Variants in CELF5 observed in about 807,000 individuals in gnomAD.
CELF5 encodes the protein CUGBP Elav-like family member 5.
CELF5 carries 6 observed loss-of-function variants against 54.9 expected under a neutral mutation model. That is an observed-to-expected ratio of 0.11 (90% CI 0.06 to 0.22). The LOEUF is 0.22. Ranked by LOEUF, CELF5 falls within the 10% of genes least tolerant of loss-of-function variation. The pLI, the probability that CELF5 is intolerant of heterozygous loss-of-function variation, is 1.00. For synonymous variants in CELF5, 271 were observed against 290.9 expected, an observed-to-expected ratio of 0.93 and a Z score of 0.70; for missense variants, 401 against 678.6, an observed-to-expected ratio of 0.59 and a Z score of 4.54.
At chr19:3,233,598 G>A (rs1430168834) in intron 1 of CELF5, among the ~76,000 whole-genome samples, 4 of 152,176 alleles carry the variant, frequency 2.6e-5, no homozygotes, top group African/African-American at 9.7e-5. Flanking sequence ...GAGTGCAGAG[G>A]CCCTGAGGCA....
intron 1 of CELF5, among the ~76,000 whole-genome samples, chr19:3,229,119 G>A (rs1466632442): frequency 8.6e-6 from 1 of 116,496 alleles, no homozygotes; most frequent in East Asian, 2.5e-4. Context: ...CAGGCAAAGA[G>A]CATTTATTGA....
chr19:3,290,184 G>T, intron 10 of CELF5, 47 bp from the exon 11 acceptor site: 1 of 1,581,068 alleles, frequency 6.3e-7, no homozygotes, highest in South Asian at 1.1e-5. Flanking sequence ...GGGGGGGTTC[G>T]CCTCCTCTCC....
At chr19:3,226,100 T>C (rs1215976617) in intron 1 of CELF5, among the ~76,000 whole-genome samples, 1 of 150,752 alleles carries the variant, frequency 6.6e-6, no homozygotes, top group Non-Finnish European at 1.5e-5. Context: ...GGGGTGCCAC[T>C]TCAAAGGCCT....
At chr19:3,226,828 G>A (rs1825665391) in intron 1 of CELF5, among the ~76,000 whole-genome samples, 1 of 151,862 alleles carries the variant, frequency 6.6e-6, no homozygotes, top group Non-Finnish European at 1.5e-5. Flanking sequence ...GGAGAAGTGA[G>A]GGGTGAAGGA....
chr19:3,239,967 C>T (rs576740132), intron 1 of CELF5, among the ~76,000 whole-genome samples: 77 of 152,076 alleles, frequency 5.1e-4, no homozygotes, highest in African/African-American at 1.8e-3. Flanking sequence ...GTTTCACCCT[C>T]ATCTGTCCCC....
At chr19:3,274,209 C>G (rs2080011901) in intron 3 of CELF5, among the ~76,000 whole-genome samples, 1 of 152,082 alleles carries the variant, frequency 6.6e-6, no homozygotes, top group African/African-American at 2.4e-5. Context: ...TTGAAATACT[C>G]CACTCCCTTC....
At position 3,281,388 on chromosome 19, in the gene CELF5, T is replaced by C. The variant is rs753629772; in HGVS notation, c.750+43T>C. The C allele has an allele frequency of 1.3e-6, 2 of 1,571,766 alleles. No individual in the cohort carries two copies. The highest frequency in any genetic ancestry group is 1.3e-5 in the African/African-American group (1 of 74,430). ...AGCTTCGGGGCTCCGGCTCCGTCTC[T>C]CTCAGTCTCTGTCTACTCTCTGTCG... On this transcript the variant is annotated intron_variant, in intron 6 of 12. Transcript: ENST00000292672. This position sits in a 1 kb window ranked among gnomAD's most constrained non-coding sequence, Gnocchi z 6.5.
chr19:3,236,812 C>A (rs1227153124), intron 1 of CELF5, among the ~76,000 whole-genome samples: 2 of 150,850 alleles, frequency 1.3e-5, no homozygotes, highest in African/African-American at 4.9e-5. Flanking sequence ...GGTGAAACCC[C>A]ATCTCTACTA....
At chr19:3,258,528 A>G (rs1305268006) in intron 2 of CELF5, among the ~76,000 whole-genome samples, 6 of 152,162 alleles carry the variant, frequency 3.9e-5, no homozygotes, top group Admixed American at 3.9e-4. Flanking sequence ...ATTTAATTAC[A>G]TCTGCAAAAG....
chr19:3,249,384 C>A (rs1015291622), intron 1 of CELF5, among the ~76,000 whole-genome samples: 3 of 152,216 alleles, frequency 2.0e-5, no homozygotes, highest in African/African-American at 7.2e-5. Flanking sequence ...AGGGCGGGTT[C>A]TCTTGACTTG....
chr19:3,244,106 A>G (rs1220397124), intron 1 of CELF5, among the ~76,000 whole-genome samples: 1 of 152,052 alleles, frequency 6.6e-6, no homozygotes, highest in African/African-American at 2.4e-5. Flanking sequence ...GTGGGTAAAC[A>G]TTACGCATTT....
intron 1 of CELF5, among the ~76,000 whole-genome samples, chr19:3,227,477 A>G (rs1460886405): frequency 6.6e-6 from 1 of 152,008 alleles, no homozygotes; most frequent in East Asian, 1.9e-4. Context: ...TATGGACCCC[A>G]GGCCTGGAGA....
intron 1 of CELF5, among the ~76,000 whole-genome samples, chr19:3,234,905 G>C (rs370812687): frequency 6.6e-6 from 1 of 151,884 alleles, no homozygotes; most frequent in African/African-American, 2.4e-5. Context: ...CCCACAGTCT[G>C]TCCTCCCCGC....
chr19:3,266,692 C>G (rs756330205), intron 2 of CELF5, among the ~76,000 whole-genome samples: 1 of 152,242 alleles, frequency 6.6e-6, no homozygotes, highest in African/African-American at 2.4e-5. Context: ...TAACACCCAC[C>G]TGCTTGGCAA....
intron 11 of CELF5, among the ~76,000 whole-genome samples, 185 bp from the exon 12 acceptor site, chr19:3,293,134 A>G (rs1188479090): frequency 6.6e-6 from 1 of 152,092 alleles, no homozygotes; most frequent in Non-Finnish European, 1.5e-5. Flanking sequence ...GAGGTATACA[A>G]GTCCAGAGGT....
At chr19:3,285,197 T>G (rs1055678184) in intron 9 of CELF5, among the ~76,000 whole-genome samples, 13 of 151,790 alleles carry the variant, frequency 8.6e-5, no homozygotes, top group Non-Finnish European at 1.8e-4. Context: ...TCCCTTGTCC[T>G]TTAAGGACAG....
intron 1 of CELF5, among the ~76,000 whole-genome samples, chr19:3,244,849 ATGTG>A (rs944193306): frequency 1.5e-5 from 2 of 129,124 alleles, no homozygotes; most frequent in African/African-American, 6.1e-5. Context: ...GCATCTGTGC[ATGTG>A]TGTGTGTAGT....
chr19:3,244,205 G>A (rs2079528911), intron 1 of CELF5, among the ~76,000 whole-genome samples: 1 of 152,038 alleles, frequency 6.6e-6, no homozygotes, highest in Admixed American at 6.6e-5. Context: ...CAGCACCAGG[G>A]ACAGCGTCAG....
intron 1 of CELF5, among the ~76,000 whole-genome samples, chr19:3,226,440 TCACACACACACACA>T (rs71164666): frequency 5.0e-5 from 6 of 118,874 alleles, no homozygotes; most frequent in Admixed American, 5.0e-4. Context: ...AAACCAACCA[TCACACACACACACA>T]CACACACACA....
Sources: allele counts gnomAD v4.1 joint callset (sites outside exome capture counted in the v4.1 genomes callset), GRCh38; gene constraint gnomAD v4.1.1; non-coding constraint Gnocchi (gnomAD v3.1); transcripts MANE v1.5; gene names NCBI Gene and HGNC (gene_info 2026-07-23, HGNC 2026-07-21).